Variants in LINGO2 observed in about 807,000 individuals in gnomAD.
LINGO2 encodes the protein leucine rich repeat and Ig domain containing 2, also known as leucine-rich repeat and immunoglobulin-like domain-containing nogo receptor-interacting protein 2.
A neutral mutation model predicts 30.6 loss-of-function variants in LINGO2; 14 were observed. That is an observed-to-expected ratio of 0.46 (90% CI 0.30 to 0.72). The LOEUF is 0.72. LINGO2 is among the 30% of genes least tolerant of loss of function. LINGO2 has a pLI of 0.07. For synonymous variants in LINGO2, 317 were observed against 288.5 expected (o/e 1.10, Z -1.00); for missense variants, 729 against 751.7 (o/e 0.97, Z 0.35).
chr9:28,709,674 A>T, the LINGO2 span, among the ~76,000 whole-genome samples: 34 of 152,134 alleles, frequency 2.2e-4, no homozygotes, highest in Admixed American at 1.8e-3. Context: ...ATCTAAATAT[A>T]GTATATGAGT....
At chr9:28,090,559 G>T (rs905968591) in intron 4 of LINGO2, among the ~76,000 whole-genome samples, 2 of 151,998 alleles carry the variant, frequency 1.3e-5, no homozygotes, top group African/African-American at 4.8e-5. Context: ...TTGATGGGAC[G>T]TATCACAAAA....
At chr9:28,308,745 A>G (rs1824478261) in intron 3 of LINGO2, among the ~76,000 whole-genome samples, 1 of 151,804 alleles carries the variant, frequency 6.6e-6, no homozygotes, top group South Asian at 2.1e-4. Context: ...GAAAAAAACA[A>G]ACAACCCCAT....
the LINGO2 span, among the ~76,000 whole-genome samples, chr9:28,695,412 G>C: frequency 6.6e-6 from 1 of 151,864 alleles, no homozygotes; most frequent in African/African-American, 2.4e-5. Flanking sequence ...TATTTATACA[G>C]TCTTTTTATA....
At chr9:27,966,602 G>C (rs1488827375) in intron 5 of LINGO2, among the ~76,000 whole-genome samples, 1 of 152,018 alleles carries the variant, frequency 6.6e-6, no homozygotes, top group Non-Finnish European at 1.5e-5. Flanking sequence ...GAGAGCATTA[G>C]GACAAATACC....
intron 2 of LINGO2, among the ~76,000 whole-genome samples, chr9:28,376,721 T>C (rs886205841): frequency 6.6e-6 from 1 of 152,184 alleles, no homozygotes; most frequent in Non-Finnish European, 1.5e-5. Flanking sequence ...ATTTCATGCA[T>C]GAAAACCTCT....
the LINGO2 span, among the ~76,000 whole-genome samples, chr9:28,937,358 G>C: frequency 6.6e-6 from 1 of 152,250 alleles, no homozygotes; most frequent in East Asian, 1.9e-4. Flanking sequence ...ACCTAACAAG[G>C]TATGTGCTTC....
the LINGO2 span, among the ~76,000 whole-genome samples, chr9:28,716,419 C>T: frequency 3.9e-5 from 6 of 151,900 alleles, no homozygotes; most frequent in Admixed American, 3.9e-4. Flanking sequence ...GACAAGGGGA[C>T]AGGGAAAGTA....
chr9:28,543,264 A>C (rs557046888), intron 1 of LINGO2, among the ~76,000 whole-genome samples: 1 of 152,230 alleles, frequency 6.6e-6, no homozygotes, highest in Non-Finnish European at 1.5e-5. Context: ...TGTTTTACTT[A>C]GCTTATAACC....
the LINGO2 span, among the ~76,000 whole-genome samples, chr9:28,734,375 A>G: frequency 6.6e-6 from 1 of 152,160 alleles, no homozygotes; most frequent in South Asian, 2.1e-4. Flanking sequence ...CACAATTTAC[A>G]ATTTATAAAT....
intron 4 of LINGO2, among the ~76,000 whole-genome samples, chr9:28,131,163 A>C (rs1563992250): frequency 6.6e-6 from 1 of 151,448 alleles, no homozygotes; most frequent in Non-Finnish European, 1.5e-5. Flanking sequence ...AAATCATTTC[A>C]TCTTAAAAAA....
chr9:28,278,502 C>T (rs1243688780), intron 4 of LINGO2, among the ~76,000 whole-genome samples: 1 of 152,106 alleles, frequency 6.6e-6, no homozygotes, highest in African/African-American at 2.4e-5. Flanking sequence ...GCTCCTTTAC[C>T]ATTTCAAAAA....
the LINGO2 span, among the ~76,000 whole-genome samples, chr9:29,058,489 G>GA: frequency 6.6e-6 from 1 of 151,860 alleles, no homozygotes; most frequent in South Asian, 2.1e-4. Context: ...CATCAAGTTA[G>GA]AAAAAATATG....
the LINGO2 span, among the ~76,000 whole-genome samples, chr9:28,835,016 AC>A: frequency 2.6e-5 from 4 of 152,214 alleles, no homozygotes; most frequent in Admixed American, 2.6e-4. Flanking sequence ...GCATAGCCAA[AC>A]AGGTAGAATT....
intron 4 of LINGO2, among the ~76,000 whole-genome samples, chr9:28,050,982 A>G (rs1399157666): frequency 6.6e-6 from 1 of 151,082 alleles, no homozygotes; most frequent in African/African-American, 2.4e-5. Context: ...ATCAGTAAGA[A>G]GTATAGATGA....
intron 1 of LINGO2, among the ~76,000 whole-genome samples, chr9:28,534,759 G>C (rs1821361762): frequency 6.6e-6 from 1 of 152,008 alleles, no homozygotes; most frequent in African/African-American, 2.4e-5. Context: ...AATTAACATT[G>C]TACATCAGAA....
At chr9:28,365,310 T>C (rs4879240) in intron 3 of LINGO2, among the ~76,000 whole-genome samples, 11 of 151,914 alleles carry the variant, frequency 7.2e-5, no homozygotes, top group African/African-American at 1.2e-4. Context: ...AAATGTCACC[T>C]GGGCCAGATT....
At chr9:29,084,374 G>A in the LINGO2 span, among the ~76,000 whole-genome samples, 1 of 151,988 alleles carries the variant, frequency 6.6e-6, no homozygotes, top group African/African-American at 2.4e-5. Context: ...ACAGTAAAAG[G>A]AACACCTATT....
chr9:28,758,731 T>C, the LINGO2 span, among the ~76,000 whole-genome samples: 1 of 152,148 alleles, frequency 6.6e-6, no homozygotes, highest in Non-Finnish European at 1.5e-5. Flanking sequence ...CTAAGGCTTC[T>C]GTTATCTTAT....
intron 4 of LINGO2, among the ~76,000 whole-genome samples, chr9:28,168,026 C>G (rs1425579892): frequency 1.3e-5 from 2 of 152,152 alleles, no homozygotes; most frequent in Non-Finnish European, 2.9e-5. Context: ...CTCCTTCATC[C>G]CTGAAAAGAC....
Sources: gnomAD v4.1 joint callset for allele counts (sites outside exome capture counted in the v4.1 genomes callset) on GRCh38, gnomAD v4.1.1 for gene constraint, MANE v1.5 for transcripts, NCBI Gene and HGNC (gene_info 2026-07-23, HGNC 2026-07-21) for gene names.